CCDC33: variants seen among roughly 807,000 people sequenced by gnomAD.
CCDC33 encodes the protein coiled-coil domain containing 33.
Under a neutral mutation model 91.9 loss-of-function variants are expected in CCDC33, and 94 were observed. The ratio of observed to expected loss-of-function variants is 1.02; its 90% CI spans 0.87 to 1.21. The LOEUF (loss-of-function observed/expected upper bound fraction) is 1.21, where lower values mean the gene tolerates loss of function less well. CCDC33 is among the 50% of genes most tolerant of loss of function. CCDC33 has a pLI of 0.00. For missense variants in CCDC33, 940 were observed against 935.5 expected, an observed-to-expected ratio of 1.00 and a Z score of -0.06; for synonymous variants, 396 against 374.5, an observed-to-expected ratio of 1.06 and a Z score of -0.66.
intron 2 of CCDC33, among the ~76,000 whole-genome samples, chr15:74,228,877 C>T (rs1034485576): frequency 7.2e-5 from 11 of 152,202 alleles, no homozygotes; most frequent in African/African-American, 2.7e-4. Flanking sequence ...GGGCCAGAGG[C>T]TCTGCTCTCT....
intron 2 of CCDC33, among the ~76,000 whole-genome samples, chr15:74,222,009 G>A (rs922281760): frequency 5.9e-5 from 9 of 152,194 alleles, no homozygotes; most frequent in African/African-American, 1.9e-4. Context: ...GCACCCCGGG[G>A]TGAGGAAAGC....
At chr15:74,207,156 G>C (rs920957534) in intron 1 of CCDC33, among the ~76,000 whole-genome samples, 1 of 152,188 alleles carries the variant, frequency 6.6e-6, no homozygotes, top group Non-Finnish European at 1.5e-5. Flanking sequence ...AGGCCCACGT[G>C]CATTTCTGCG....
At chr15:74,261,623 G>A (rs760292826) in intron 2 of CCDC33, among the ~76,000 whole-genome samples, 1 of 152,226 alleles carries the variant, frequency 6.6e-6, no homozygotes, top group Admixed American at 6.5e-5. Context: ...ATGGAGCAGC[G>A]CTGGGGATGG....
At chr15:74,232,123 G>T (rs117548029), upstream of CCDC33, among the ~76,000 whole-genome samples, 658 of 152,320 alleles carry the variant, frequency 4.3e-3, 2 homozygotes, top group Non-Finnish European at 6.8e-3. Flanking sequence ...CACAGTAAGT[G>T]CTCACTAAAA....
At position 74,316,489 on chromosome 15, in the gene CCDC33, G is replaced by T. The variant is rs1484762272; in HGVS notation, c.1291-13700G>T. ...AATCGATTGGCGCACAGCAGGCAGG[G>T]GAGGACAGGGCCCCTTGCAGGGAGG... On this transcript the variant is annotated intron_variant, in intron 11 of 18. Transcript: ENST00000398814. The surrounding 1 kb of genome is among the most constrained non-coding windows in gnomAD (Gnocchi z 4.7). Among the ~76,000 whole-genome samples the T allele has an allele frequency of 6.6e-6, 1 of 152,222 alleles. No individual in the cohort carries two copies. Among genetic ancestry groups the T allele is most frequent in the Non-Finnish European group, 1.5e-5 (1 of 68,028 alleles).
intron 3 of CCDC33, among the ~76,000 whole-genome samples, chr15:74,265,465 C>T (rs369722695): frequency 3.9e-5 from 6 of 152,296 alleles, no homozygotes; most frequent in African/African-American, 1.4e-4. Flanking sequence ...TATAAAGATG[C>T]CTCAAGTGTC....
intron 11 of CCDC33, among the ~76,000 whole-genome samples, chr15:74,328,647 G>A (rs2060359719): frequency 6.6e-6 from 1 of 152,214 alleles, no homozygotes; most frequent in Non-Finnish European, 1.5e-5. Flanking sequence ...GCAATTAGAG[G>A]GAGCCCAACC....
chr15:74,324,337 C>T (rs76455902), intron 11 of CCDC33, among the ~76,000 whole-genome samples: 4,959 of 152,178 alleles, frequency 0.033, 124 homozygotes, highest in South Asian at 0.14. Context: ...TATGGGTCTC[C>T]ACCTGCCCCT....
chr15:74,252,959 C>T (rs2075753514), intron 2 of CCDC33, among the ~76,000 whole-genome samples: 1 of 152,148 alleles, frequency 6.6e-6, no homozygotes, highest in African/African-American at 2.4e-5. Flanking sequence ...AGAACCATCC[C>T]CAGCCAGACC....
chr15:74,293,814 TTGTCTA>T (rs1375698333), intron 10 of CCDC33, among the ~76,000 whole-genome samples: 5 of 152,234 alleles, frequency 3.3e-5, no homozygotes, highest in African/African-American at 1.2e-4. Context: ...CTCTTTGGCG[TTGTCTA>T]TTTTGCACCC....
exon 2 of CCDC33, chr15:74,209,522 G>T (rs796228399): frequency 7.5e-7 from 1 of 1,328,044 alleles, no homozygotes; most frequent in Middle Eastern, 1.8e-4. Context: ...GGGCTTCAGG[G>T]CTGGAATTCC....
chr15:74,252,386 G>A (rs2075735782), intron 2 of CCDC33, among the ~76,000 whole-genome samples: 1 of 152,182 alleles, frequency 6.6e-6, no homozygotes, highest in South Asian at 2.1e-4. Context: ...AGCAGCCAGA[G>A]GGTTGGGCTC....
chr15:74,287,020 C>T (rs2059488563), intron 10 of CCDC33, among the ~76,000 whole-genome samples: 1 of 152,210 alleles, frequency 6.6e-6, no homozygotes, highest in African/African-American at 2.4e-5. Context: ...GGACAAGTGG[C>T]CACTTAGCAA....
intron 11 of CCDC33, among the ~76,000 whole-genome samples, chr15:74,298,830 A>AG: frequency 6.7e-6 from 1 of 148,180 alleles, no homozygotes; most frequent in East Asian, 2.0e-4. Context: ...CTCCTTCCTC[A>AG]GCCTCTTGAG....
At chr15:74,211,176 CA>C (rs1369752742) in intron 2 of CCDC33, among the ~76,000 whole-genome samples, 59 of 146,322 alleles carry the variant, frequency 4.0e-4, no homozygotes, top group Admixed American at 1.4e-3. Context: ...CACACACACA[CA>C]CACACCTCAC....
chr15:74,268,428 C>G lies in CCDC33; in HGVS notation c.516C>G (p.Arg172=), dbSNP rs1286785680. The G allele has an allele frequency of 6.3e-7, 1 of 1,595,898 alleles. No individual in the cohort carries two copies. The highest frequency in any genetic ancestry group is 8.5e-7 in the Non-Finnish European group (1 of 1,171,180). Reference sequence around the variant, plus strand: ...TTCGGAAGAGCAGCTTCATACCCCGCTACATCGGCTGCAACCACATGGCTC... The same window carrying G: ...TTCGGAAGAGCAGCTTCATACCCCGGTACATCGGCTGCAACCACATGGCTC... ...TVVRKSSFIP[R]YIGCNHMALE... The change falls in exon 5 of 19, where the codon CGC becomes CGG. Residue 172 remains arginine, a synonymous_variant. Coordinates refer to ENST00000398814, the MANE Select transcript of CCDC33 (RefSeq NM_025055.5).
chr15:74,330,957 C>A, intron 13 of CCDC33, 24 bp from the exon 14 acceptor site: 1 of 1,565,686 alleles, frequency 6.4e-7, no homozygotes, highest in South Asian at 1.2e-5. Context: ...ATTCTCTCCC[C>A]TTCTCTCCTC....
At chr15:74,222,765 C>G (rs942287215) in intron 2 of CCDC33, among the ~76,000 whole-genome samples, 2 of 150,974 alleles carry the variant, frequency 1.3e-5, no homozygotes, top group African/African-American at 4.9e-5. Context: ...AGCGTCCCCT[C>G]GGCCACCCCT....
chr15:74,323,184 C>A (rs746888213), intron 11 of CCDC33, among the ~76,000 whole-genome samples: 4 of 152,152 alleles, frequency 2.6e-5, no homozygotes, highest in Non-Finnish European at 2.9e-5. Context: ...CAGCACCCAG[C>A]ATTCAGAGCA....
Sources: allele counts gnomAD v4.1 joint callset (sites outside exome capture counted in the v4.1 genomes callset), GRCh38; gene constraint gnomAD v4.1.1; non-coding constraint Gnocchi (gnomAD v3.1); transcripts MANE v1.5; gene names NCBI Gene and HGNC (gene_info 2026-07-23, HGNC 2026-07-21).